KAZN: variants seen among roughly 807,000 people sequenced by gnomAD.
KAZN encodes kazrin, periplakin interacting protein, also known as kazrin.
KAZN carries 40 observed loss-of-function variants against 87.4 expected under a neutral mutation model. The observed-to-expected ratio is 0.46, with a 90% CI of 0.36 to 0.60. The LOEUF is 0.60. KAZN is among the 20% of genes least tolerant of loss of function. The pLI is 0.00. For missense variants in KAZN, 898 were observed against 1,073.9 expected (o/e 0.84, Z 2.29); for synonymous variants, 466 against 458.3 (o/e 1.02, Z -0.22).
In KAZN at chr1:14,343,013, C is replaced by T. The variant is rs138600453; in HGVS notation, c.249+162421C>T. Among the ~76,000 whole-genome samples the T allele has an allele frequency of 9.3e-3, 1,414 of 152,128 alleles. 17 individuals are homozygous for T. The highest frequency in any genetic ancestry group is 0.032 in the African/African-American group (1,311 of 41,494). On this transcript the variant is annotated intron_variant, in intron 2 of 16. Transcript: ENST00000636203. ...AAAATTAGCCTGGCGTGGTGGCAGG[C>T]GCCTGTAATCCCAGCTACTCAGGAG...
intron 1 of KAZN, among the ~76,000 whole-genome samples, chr1:14,908,502 A>G (rs1278473641): frequency 6.6e-6 from 1 of 152,172 alleles, no homozygotes. Flanking sequence ...AGATCACGCC[A>G]CTGCACTCCA....
At position 14,836,954 on chromosome 1, in the gene KAZN, A is replaced by C. The variant is rs550934760; in HGVS notation, c.227-123730A>C. The stretch of plus-strand genomic sequence containing the variant: ...GCTTCCCGTCCACTCCTCCGCCCCC[A>C]GGTAACCGCCTTCCTGAATTCTGTC... On this transcript the variant is annotated intron_variant, in intron 1 of 14. Transcript: ENST00000376030. 1.8e-4 allele frequency among the ~76,000 whole-genome samples: 28 copies of C among 152,234 alleles called. No homozygotes were observed. In the South Asian group the frequency reaches 5.4e-3, roughly 29 times the overall value.
At chr1:14,870,682 A>G (rs1356843036) in intron 1 of KAZN, among the ~76,000 whole-genome samples, 1 of 152,136 alleles carries the variant, frequency 6.6e-6, no homozygotes, top group Non-Finnish European at 1.5e-5. Flanking sequence ...TGACTCCCTC[A>G]TGAGCTGCTG....
At chr1:14,691,838 C>T (rs1641330057) in intron 1 of KAZN, among the ~76,000 whole-genome samples, 2 of 152,018 alleles carry the variant, frequency 1.3e-5, no homozygotes, top group Non-Finnish European at 2.9e-5. Context: ...AGGGAGAGCT[C>T]ACCTGCTCTC....
intron 1 of KAZN, among the ~76,000 whole-genome samples, chr1:14,158,957 T>C (rs1570901322): frequency 6.6e-6 from 1 of 152,170 alleles, no homozygotes; most frequent in Non-Finnish European, 1.5e-5. Flanking sequence ...CCCCAGTGAA[T>C]TGAGTCTCTT....
chr1:14,516,690 C>T (rs1229831712), intron 2 of KAZN, among the ~76,000 whole-genome samples: 1 of 152,196 alleles, frequency 6.6e-6, no homozygotes, highest in East Asian at 1.9e-4. Context: ...CAACTGTCAG[C>T]TCCTTGAGGG....
chr1:14,773,532 C>T lies in KAZN; in HGVS notation c.226+174309C>T, dbSNP rs1044079698. Among the ~76,000 whole-genome samples, 1 of 152,156 alleles carries T rather than the reference C, an allele frequency of 6.6e-6. No individual in the cohort carries two copies. The highest frequency in any genetic ancestry group is 1.5e-5 in the Non-Finnish European group (1 of 68,026). ...CTGGGAGGCAAAAGGGCCTGGCTTC[C>T]CCGAATCTCAGCTTCCTCATCTGAG... On this transcript the variant is annotated intron_variant, in intron 1 of 14. Transcript: ENST00000376030. This position sits in a 1 kb window ranked among gnomAD's most constrained non-coding sequence, Gnocchi z 5.9.
rs183173725 is a variant in KAZN at position 14,052,751 on chromosome 1, C to G, written c.92-127684C>G. 6.4e-4 allele frequency among the ~76,000 whole-genome samples: 98 copies of G among 152,300 alleles called. 1 individual carries two copies. The highest frequency in any genetic ancestry group is 9.0e-4 in the Non-Finnish European group (61 of 68,030). ...AAAGGAGAGAGGGAGGCCTTTTCCT[C>G]TCTGAAGAAGTGACATTCGAGCAAG... On this transcript the variant is annotated intron_variant, in intron 1 of 16. Coordinates refer to the KAZN transcript ENST00000636203.
At chr1:13,930,516 C>A (rs1204207429) in intron 1 of KAZN, among the ~76,000 whole-genome samples, 6 of 152,150 alleles carry the variant, frequency 3.9e-5, no homozygotes, top group Non-Finnish European at 7.3e-5. Flanking sequence ...TTCCCTTTCT[C>A]TTGTCTCCCC....
intron 2 of KAZN, among the ~76,000 whole-genome samples, chr1:14,332,935 T>C (rs1656957592): frequency 6.6e-6 from 1 of 152,186 alleles, no homozygotes; most frequent in Non-Finnish European, 1.5e-5. Flanking sequence ...GTTTGTTACA[T>C]AGGTAAACGT....
intron 1 of KAZN, among the ~76,000 whole-genome samples, chr1:14,089,753 C>T (rs944309762): frequency 6.6e-6 from 1 of 152,102 alleles, no homozygotes; most frequent in African/African-American, 2.4e-5. Context: ...ACATGATTGA[C>T]CTAGTCTTAT....
intron 1 of KAZN, among the ~76,000 whole-genome samples, chr1:14,807,832 A>G (rs1032553413): frequency 2.0e-5 from 3 of 152,062 alleles, no homozygotes; most frequent in Non-Finnish European, 4.4e-5. Context: ...TCAGCCCCCA[A>G]ATTAGACCTA....
chr1:14,021,535 G>C (rs182866755), intron 1 of KAZN, among the ~76,000 whole-genome samples: 1 of 152,076 alleles, frequency 6.6e-6, no homozygotes, highest in South Asian at 2.1e-4. Context: ...ACAGATGCCA[G>C]GGTTGTGGAA....
chr1:14,829,331 A>G (rs1456464838), intron 1 of KAZN, among the ~76,000 whole-genome samples: 1 of 152,256 alleles, frequency 6.6e-6, no homozygotes, highest in Non-Finnish European at 1.5e-5. Context: ...AAAGAAGTGC[A>G]GAATTATTTA....
chr1:14,994,040 C>T (rs564676720), intron 2 of KAZN, among the ~76,000 whole-genome samples: 16 of 152,308 alleles, frequency 1.1e-4, no homozygotes, highest in Middle Eastern at 6.8e-3. Context: ...CCTGCTGGGG[C>T]GACAGTGGGC....
chr1:14,922,663 G>A (rs1290660536), intron 1 of KAZN, among the ~76,000 whole-genome samples: 3 of 151,956 alleles, frequency 2.0e-5, no homozygotes, highest in African/African-American at 7.3e-5. Context: ...ATGGTGGCGG[G>A]CACCTGTAAT....
intron 1 of KAZN, among the ~76,000 whole-genome samples, chr1:14,921,691 A>T (rs2801183): frequency 0.95 from 143,956 of 152,272 alleles, 68,582 homozygotes; most frequent in East Asian, 1. Context: ...TTTTGTTTAT[A>T]GGGGTTTTTT....
At chr1:14,235,545 G>A (rs906754482) in intron 2 of KAZN, among the ~76,000 whole-genome samples, 10 of 152,224 alleles carry the variant, frequency 6.6e-5, no homozygotes, top group Middle Eastern at 3.4e-3. Flanking sequence ...GCTGATGGCC[G>A]CACAACTCTG....
chr1:15,040,884 T>C (rs938958984), intron 3 of KAZN, among the ~76,000 whole-genome samples: 6 of 152,004 alleles, frequency 3.9e-5, no homozygotes. Flanking sequence ...TGACTGCAGA[T>C]GGAAGGGAAA....
Sources: gnomAD v4.1 joint callset for allele counts (sites outside exome capture counted in the v4.1 genomes callset) on GRCh38, gnomAD v4.1.1 for gene constraint, Gnocchi (gnomAD v3.1) non-coding constraint, MANE v1.5 for transcripts, NCBI Gene and HGNC (gene_info 2026-07-23, HGNC 2026-07-21) for gene names.